Variants in MGLL observed in about 807,000 individuals in gnomAD.
MGLL encodes lysophospholipase homolog.
MGLL carries 7 observed loss-of-function variants against 29.1 expected under a neutral mutation model. The ratio of observed to expected loss-of-function variants is 0.24; its 90% confidence interval spans 0.14 to 0.45. The LOEUF is 0.45. MGLL is among the 20% of genes least tolerant of loss of function. The pLI is 0.99. For synonymous variants in MGLL, 148 were observed against 168.3 expected, an observed-to-expected ratio of 0.88 and a Z score of 0.93; for missense variants, 356 against 413.6, an observed-to-expected ratio of 0.86 and a Z score of 1.21.
intron 2 of MGLL, among the ~76,000 whole-genome samples, chr3:127,812,201 A>AT (rs912233665): frequency 6.6e-6 from 1 of 152,244 alleles, no homozygotes; most frequent in African/African-American, 2.4e-5. Flanking sequence ...ACTTCCAGCT[A>AT]TAATAGCTAA....
intron 2 of MGLL, among the ~76,000 whole-genome samples, chr3:127,796,560 G>A (rs1202390732): frequency 6.6e-6 from 1 of 152,180 alleles, no homozygotes; most frequent in African/African-American, 2.4e-5. Flanking sequence ...CGTGATTAGT[G>A]GTAGGGCAGA....
chr3:127,815,725 T>A (rs2077742934), intron 2 of MGLL, among the ~76,000 whole-genome samples: 1 of 152,200 alleles, frequency 6.6e-6, no homozygotes, highest in Admixed American at 6.5e-5. Flanking sequence ...GCTCACCAAC[T>A]CATGGGGCAG....
At chr3:127,741,525 C>A (rs1011643713) in intron 3 of MGLL, among the ~76,000 whole-genome samples, 1 of 152,232 alleles carries the variant, frequency 6.6e-6, no homozygotes, top group Admixed American at 6.5e-5. Context: ...CACCACGATG[C>A]GTGTGTTACA....
At chr3:127,790,048 G>A (rs1478302191) in intron 2 of MGLL, among the ~76,000 whole-genome samples, 1 of 152,228 alleles carries the variant, frequency 6.6e-6, no homozygotes, top group Non-Finnish European at 1.5e-5. Context: ...AGTAGTAAGT[G>A]TGCTCGCTGA....
intron 3 of MGLL, among the ~76,000 whole-genome samples, chr3:127,772,193 T>C (rs766940538): frequency 1.3e-5 from 2 of 152,216 alleles, no homozygotes; most frequent in Non-Finnish European, 2.9e-5. Flanking sequence ...TAGGGGATTG[T>C]GCAGACTTGC....
chr3:127,713,493 T>G (rs1248719416), intron 5 of MGLL: 2 of 152,328 alleles, frequency 1.3e-5, no homozygotes, highest in Non-Finnish European at 2.9e-5. Context: ...GACTGTTTTA[T>G]GTAAGCCAGC....
At chr3:127,785,796 C>T (rs1335767789) in intron 2 of MGLL, among the ~76,000 whole-genome samples, 1 of 152,250 alleles carries the variant, frequency 6.6e-6, no homozygotes, top group Non-Finnish European at 1.5e-5. Context: ...GTTGTCCCTG[C>T]CCACACACAG....
intron 1 of MGLL, 183 bp downstream of exon 1, chr3:127,822,126 A>T (rs1328558203): frequency 2.8e-6 from 2 of 721,600 alleles, no homozygotes; most frequent in Non-Finnish European, 4.6e-6. Flanking sequence ...ACTTCATCTT[A>T]AAGACTATTT....
chr3:127,772,446 G>A lies in MGLL; in HGVS notation c.262+9343C>T, dbSNP rs537536257. ...TAGAGCCAAGGTCTGTCTCTCTAAA[G>A]CTGAGCCTGTTTCACATCTGTCCAA... On this transcript the variant is annotated intron_variant, in intron 3 of 7. Coordinates refer to ENST00000265052, the MANE Select transcript of MGLL (RefSeq NM_007283.7). Among the ~76,000 whole-genome samples the A allele has an allele frequency of 2.0e-5, 3 of 152,352 alleles. No individual in the cohort carries two copies. The South Asian group carries it at 6.2e-4, about 32-fold the overall frequency.
intron 3 of MGLL, among the ~76,000 whole-genome samples, chr3:127,755,735 T>C (rs183874019): frequency 7.2e-5 from 11 of 152,392 alleles, no homozygotes; most frequent in Non-Finnish European, 1.5e-4. Flanking sequence ...AATATACTTC[T>C]TAATTACACA....
chr3:127,769,705 T>C (rs1178611381), intron 3 of MGLL, among the ~76,000 whole-genome samples: 1 of 152,222 alleles, frequency 6.6e-6, no homozygotes, highest in Non-Finnish European at 1.5e-5. Context: ...TGCAAGCTGA[T>C]GTCTGTTTGG....
intron 3 of MGLL, among the ~76,000 whole-genome samples, chr3:127,751,716 G>T (rs1250321998): frequency 6.6e-6 from 1 of 151,730 alleles, no homozygotes; most frequent in Non-Finnish European, 1.5e-5. Flanking sequence ...TGATTAACTG[G>T]TTACTGTCAC....
intron 2 of MGLL, among the ~76,000 whole-genome samples, chr3:127,792,419 C>T (rs1423707769): frequency 1.3e-5 from 2 of 152,216 alleles, no homozygotes; most frequent in Admixed American, 6.5e-5. Context: ...TAATCCCTGC[C>T]TTGGCAGGTC....
At chr3:127,766,432 A>G (rs745996564) in intron 3 of MGLL, among the ~76,000 whole-genome samples, 11 of 152,132 alleles carry the variant, frequency 7.2e-5, no homozygotes, top group Admixed American at 1.3e-4. Flanking sequence ...CTCAGAAAAT[A>G]CTCGTAGTGC....
intron 2 of MGLL, among the ~76,000 whole-genome samples, chr3:127,782,682 C>T (rs964537127): frequency 6.6e-6 from 1 of 152,196 alleles, no homozygotes; most frequent in Non-Finnish European, 1.5e-5. Flanking sequence ...GCTAGAGTCT[C>T]CTTCAGGCAC....
At chr3:127,777,233 T>C (rs541855) in intron 3 of MGLL, among the ~76,000 whole-genome samples, 105,945 of 152,046 alleles carry the variant, frequency 0.7, 38,588 homozygotes, top group Middle Eastern at 0.84. Flanking sequence ...ATGGGTGAGA[T>C]GAAAGGAAAT....
chr3:127,813,102 G>C (rs2077692945), intron 2 of MGLL, among the ~76,000 whole-genome samples: 1 of 152,196 alleles, frequency 6.6e-6, no homozygotes, highest in South Asian at 2.1e-4. Context: ...GCCTTGACAA[G>C]GAGACATTAA....
intron 6 of MGLL, among the ~76,000 whole-genome samples, chr3:127,700,271 T>C (rs28527810): frequency 0.03 from 4,619 of 152,286 alleles, 99 homozygotes; most frequent in South Asian, 0.058. Context: ...CCCACCTTTG[T>C]CTTGAATGGC....
chr3:127,710,839 A>T (rs1461329529), intron 5 of MGLL, 174 bp from the exon 6 acceptor site: 1 of 671,930 alleles, frequency 1.5e-6, no homozygotes, highest in Non-Finnish European at 2.7e-6. Flanking sequence ...CTCCCTTCTG[A>T]CTCAGCCTCT....
Sources: gnomAD v4.1 joint callset for allele counts (sites outside exome capture counted in the v4.1 genomes callset) on GRCh38, gnomAD v4.1.1 for gene constraint, MANE v1.5 for transcripts, NCBI Gene and HGNC (gene_info 2026-07-23, HGNC 2026-07-21) for gene names.